The following PTPRO variants were observed in gnomAD, a reference collection of about 807,000 sequenced individuals.
PTPRO encodes the protein receptor-type tyrosine-protein phosphatase O.
Under a neutral mutation model 145.2 loss-of-function variants are expected in PTPRO, and 62 were observed. The ratio of observed to expected loss-of-function variants is 0.43; its 90% CI spans 0.35 to 0.53. The LOEUF (loss-of-function observed/expected upper bound fraction) is 0.53. Ranked by LOEUF, PTPRO falls within the 20% of genes least tolerant of loss-of-function variation. The probability of loss-of-function intolerance (pLI) is 0.01; values close to 1 mark genes in which losing one functional copy is unlikely to be tolerated. For missense variants in PTPRO, 1,345 were observed against 1,482.7 expected (o/e 0.91, Z 1.53); for synonymous variants, 565 against 514.7 (o/e 1.10, Z -1.32).
intron 15 of PTPRO, 76 bp from the exon 16 acceptor site, chr12:15,557,379 A>G (rs1170433128): frequency 1.6e-6 from 2 of 1,282,326 alleles, no homozygotes; most frequent in African/African-American, 1.5e-5. Flanking sequence ...GCTGGTAAAG[A>G]CTCTCTTTAC....
chr12:15,462,509 T>C (rs897056981), intron 1 of PTPRO, among the ~76,000 whole-genome samples: 1 of 152,166 alleles, frequency 6.6e-6, no homozygotes, highest in Non-Finnish European at 1.5e-5. Flanking sequence ...AGTCATAATA[T>C]TTGTTGCTTC....
chr12:15,587,109 C>T, intron 24 of PTPRO, 58 bp downstream of exon 24: 2 of 1,579,614 alleles, frequency 1.3e-6, no homozygotes, highest in African/African-American at 1.3e-5. Flanking sequence ...GTAAGGGGAA[C>T]AGCTCACCAT....
At chr12:15,569,589 C>A in intron 19 of PTPRO, 91 bp downstream of exon 19, 4 of 1,120,024 alleles carry the variant, frequency 3.6e-6, no homozygotes, top group African/African-American at 1.5e-5. Flanking sequence ...TGCTCACTGG[C>A]AGTGCGTAAC....
At chr12:15,485,074 C>A (rs773255358) in intron 2 of PTPRO, among the ~76,000 whole-genome samples, 2 of 152,008 alleles carry the variant, frequency 1.3e-5, no homozygotes, top group South Asian at 2.1e-4. Flanking sequence ...TTGTTAAATG[C>A]CATCTATGTG....
At chr12:15,514,451 CA>C (rs71438353) in intron 7 of PTPRO, among the ~76,000 whole-genome samples, 191 of 68,920 alleles carry the variant, frequency 2.8e-3, no homozygotes, top group African/African-American at 6.8e-3. Flanking sequence ...GACTCTGTCT[CA>C]AAAAAAAAAA....
At chr12:15,578,794 A>G in intron 19 of PTPRO, 59 bp from the exon 20 acceptor site, 1 of 1,342,984 alleles carries the variant, frequency 7.4e-7, no homozygotes, top group Non-Finnish European at 1.1e-6. Flanking sequence ...AACCAGTTGA[A>G]CAATAATCCA....
chr12:15,448,557 A>C (rs10846176), intron 1 of PTPRO, among the ~76,000 whole-genome samples: 130,587 of 151,922 alleles, frequency 0.86, 59,016 homozygotes, highest in Non-Finnish European at 0.99. Flanking sequence ...GAAAAGAGAA[A>C]CCTTGCACAC....
intron 1 of PTPRO, among the ~76,000 whole-genome samples, chr12:15,451,587 T>C (rs558832366): frequency 9.2e-5 from 14 of 152,308 alleles, no homozygotes; most frequent in African/African-American, 3.1e-4. Flanking sequence ...ATAGACCAGA[T>C]GATAGGCCAC....
At chr12:15,427,153 G>A (rs1034501440) in intron 1 of PTPRO, among the ~76,000 whole-genome samples, 1 of 151,876 alleles carries the variant, frequency 6.6e-6, no homozygotes, top group African/African-American at 2.4e-5. Flanking sequence ...AAGACAAAAA[G>A]AATTAGGCCA....
chr12:15,438,683 C>T (rs1281862788), intron 1 of PTPRO, among the ~76,000 whole-genome samples: 4 of 151,858 alleles, frequency 2.6e-5, no homozygotes, highest in African/African-American at 9.7e-5. Flanking sequence ...TAAAAATGAG[C>T]AGTCCTCATG....
intron 1 of PTPRO, among the ~76,000 whole-genome samples, chr12:15,345,891 G>A (rs182822541): frequency 6.6e-6 from 1 of 152,188 alleles, no homozygotes; most frequent in African/African-American, 2.4e-5. Context: ...CTAGCTTACA[G>A]ATCAAATCTG....
At chr12:15,421,732 A>T (rs1484626059) in intron 1 of PTPRO, among the ~76,000 whole-genome samples, 2 of 152,242 alleles carry the variant, frequency 1.3e-5, no homozygotes, top group African/African-American at 4.8e-5. Context: ...TACCATTATT[A>T]AAGGAACCTT....
intron 1 of PTPRO, among the ~76,000 whole-genome samples, chr12:15,359,742 T>C (rs1436840270): frequency 6.6e-6 from 1 of 152,206 alleles, no homozygotes; most frequent in African/African-American, 2.4e-5. Context: ...GATCTATTTT[T>C]CTGTCATGTT....
chr12:15,505,810 G>A (rs1268453610), intron 6 of PTPRO, among the ~76,000 whole-genome samples: 1 of 152,320 alleles, frequency 6.6e-6, no homozygotes, highest in Non-Finnish European at 1.5e-5. Flanking sequence ...ATATTCTGGT[G>A]TTGAGCTGTT....
intron 6 of PTPRO, among the ~76,000 whole-genome samples, chr12:15,506,247 A>T (rs1942318979): frequency 6.6e-6 from 1 of 152,208 alleles, no homozygotes; most frequent in South Asian, 2.1e-4. Flanking sequence ...TCTCTAACAC[A>T]TATTATCTCA....
At chr12:15,540,825 G>T (rs925283081) in intron 12 of PTPRO, among the ~76,000 whole-genome samples, 10 of 152,202 alleles carry the variant, frequency 6.6e-5, no homozygotes, top group African/African-American at 2.2e-4. Context: ...TTAAATGGTA[G>T]AGATGGCCTT....
At chr12:15,538,589 A>C (rs1020691211) in intron 12 of PTPRO, among the ~76,000 whole-genome samples, 5 of 152,354 alleles carry the variant, frequency 3.3e-5, no homozygotes, top group Admixed American at 3.3e-4. Context: ...CTGCAGGTAC[A>C]TGATTCTCTC....
intron 23 of PTPRO, among the ~76,000 whole-genome samples, chr12:15,584,052 C>T (rs1353289734): frequency 3.9e-5 from 6 of 152,162 alleles, no homozygotes; most frequent in African/African-American, 9.7e-5. Context: ...TGGGCTTGGA[C>T]ACCGTTAGCC....
At chr12:15,524,169 A>AAC (rs1942787587) in intron 10 of PTPRO, among the ~76,000 whole-genome samples, 1 of 151,682 alleles carries the variant, frequency 6.6e-6, no homozygotes, top group South Asian at 2.1e-4. Flanking sequence ...AAAAAAAAAA[A>AAC]AAAAAAAACT....
Sources: gnomAD v4.1 joint callset for allele counts (sites outside exome capture counted in the v4.1 genomes callset) on GRCh38, gnomAD v4.1.1 for gene constraint, MANE v1.5 for transcripts, NCBI Gene and HGNC (gene_info 2026-07-23, HGNC 2026-07-21) for gene names.